The following PRTG variants were observed in gnomAD, a reference collection of about 807,000 sequenced individuals.
PRTG encodes the protein protogenin.
PRTG carries 67 observed loss-of-function variants against 122.5 expected under a neutral mutation model. The observed-to-expected ratio is 0.55, with a 90% confidence interval of 0.45 to 0.67. PRTG has a LOEUF of 0.67. Ranked by LOEUF, PRTG falls within the 30% of genes least tolerant of loss-of-function variation. PRTG has a pLI of 0.00. For missense variants in PRTG, 1,435 were observed against 1,415.4 expected (o/e 1.01, Z -0.22); for synonymous variants, 554 against 501.1 (o/e 1.11, Z -1.41).
At chr15:55,625,939 GA>G (rs1477814311) in intron 17 of PRTG, among the ~76,000 whole-genome samples, 1 of 151,954 alleles carries the variant, frequency 6.6e-6, no homozygotes, top group African/African-American at 2.4e-5. Context: ...TTTTTGTAGA[GA>G]TAAGATCTCA....
At chr15:55,655,646 G>A (rs922787396) in intron 11 of PRTG, 2 of 152,030 alleles carry the variant, frequency 1.3e-5, no homozygotes, top group African/African-American at 4.8e-5. Context: ...ACTTTAGACA[G>A]TATAAACTTT....
Position 55,612,737 on chromosome 15 carries a change from T to TATAC in PRTG, c.*7274_*7275insGTAT, listed in dbSNP as rs2059126286. 9.2e-5 allele frequency: 5 copies of TATAC among 54,314 alleles called. No homozygotes were observed. The highest frequency in any genetic ancestry group is 2.3e-4 in the Admixed American group (1 of 4,262). 3.4% of individuals were successfully genotyped at this position (54,314 alleles called of 1,614,324 possible). ...ATATATATATATATATATATATATATATATATATATATGACTTAAATTGGA... is the reference window on the plus strand; with the variant it reads ...ATATATATATATATATATATATATATATACATATATATATATGACTTAAATTGGA... On this transcript the variant is annotated 3_prime_UTR_variant, in exon 20 of 20. Coordinates refer to ENST00000389286, the MANE Select transcript of PRTG (RefSeq NM_173814.6).
intron 11 of PRTG, among the ~76,000 whole-genome samples, chr15:55,645,617 T>C (rs1229035361): frequency 1.3e-5 from 2 of 151,472 alleles, no homozygotes; most frequent in East Asian, 3.9e-4. Context: ...TACACGTAAA[T>C]ACACAAAGAA....
Position 55,653,249 on chromosome 15 carries a change from C to A in PRTG, c.2042-12041G>T, listed in dbSNP as rs560553413. On this transcript the variant is annotated intron_variant, in intron 11 of 19. Transcript: ENST00000389286. The stretch of plus-strand genomic sequence containing the variant: ...ATTCTATATACAGCTTTCATGGAAG[C>A]TGACCAGTAGAGTACTTGTCTAAAC... Among the ~76,000 whole-genome samples, 6 of 152,188 alleles carry A rather than the reference C, an allele frequency of 3.9e-5. No individual in the cohort carries two copies. In the East Asian group the frequency reaches 1.2e-3, roughly 29 times the overall value.
At chr15:55,670,778 G>A (rs1249171884) in intron 11 of PRTG, among the ~76,000 whole-genome samples, 1 of 152,106 alleles carries the variant, frequency 6.6e-6, no homozygotes, top group East Asian at 1.9e-4. Flanking sequence ...GTGCATGCCT[G>A]TAATCCCAGC....
At chr15:55,659,696 C>T (rs943979662) in intron 11 of PRTG, among the ~76,000 whole-genome samples, 11 of 152,076 alleles carry the variant, frequency 7.2e-5, no homozygotes, top group African/African-American at 1.7e-4. Context: ...GAGGCCGAGG[C>T]GGACGGACTG....
intron 9 of PRTG, among the ~76,000 whole-genome samples, 200 bp downstream of exon 9, chr15:55,675,319 T>C (rs1369598579): frequency 6.6e-6 from 1 of 152,158 alleles, no homozygotes; most frequent in African/African-American, 2.4e-5. Flanking sequence ...AAGAATTTTA[T>C]TATTAAATTT....
At chr15:55,733,703 T>C (rs2031315413) in intron 2 of PRTG, among the ~76,000 whole-genome samples, 3 of 151,990 alleles carry the variant, frequency 2.0e-5, no homozygotes, top group African/African-American at 7.3e-5. Flanking sequence ...GGCACGTGCC[T>C]GTAGCTCCAG....
intron 17 of PRTG, 63 bp from the exon 18 acceptor site, chr15:55,624,570 C>T (rs1434189750): frequency 6.4e-6 from 9 of 1,407,926 alleles, no homozygotes; most frequent in East Asian, 2.4e-5. Context: ...AAATGAACCA[C>T]CTGGCCTATC....
chr15:55,669,326 T>G (rs2059455533), intron 11 of PRTG, among the ~76,000 whole-genome samples: 1 of 152,200 alleles, frequency 6.6e-6, no homozygotes, highest in African/African-American at 2.4e-5. Flanking sequence ...CCAGTTAAAG[T>G]ATCTTTAATG....
At chr15:55,623,439 C>T (rs1186165397) in intron 18 of PRTG, among the ~76,000 whole-genome samples, 2 of 152,024 alleles carry the variant, frequency 1.3e-5, no homozygotes, top group African/African-American at 4.8e-5. Flanking sequence ...TGGTGGCGCA[C>T]GCCTGTAATC....
chr15:55,742,571 G>A (rs1375852010), intron 1 of PRTG: 3 of 443,516 alleles, frequency 6.8e-6, no homozygotes, highest in Admixed American at 4.5e-5. Context: ...CCAGAACTCC[G>A]CAGCCACGGG....
chr15:55,664,097 G>A (rs1312641776), intron 11 of PRTG, among the ~76,000 whole-genome samples: 1 of 152,094 alleles, frequency 6.6e-6, no homozygotes, highest in Non-Finnish European at 1.5e-5. Context: ...CTATACATTT[G>A]TGTACAGTTT....
intron 13 of PRTG, 84 bp downstream of exon 13, chr15:55,639,558 G>T: frequency 8.1e-7 from 1 of 1,227,928 alleles, no homozygotes; most frequent in Non-Finnish European, 1.2e-6. Flanking sequence ...GCCCGAGCTG[G>T]GCCCAAGATG....
At chr15:55,726,830 G>T (rs1222649510) in intron 2 of PRTG, among the ~76,000 whole-genome samples, 3 of 151,308 alleles carry the variant, frequency 2.0e-5, no homozygotes, top group African/African-American at 7.3e-5. Context: ...AAATGAAAAT[G>T]AAAACATACA....
intron 2 of PRTG, among the ~76,000 whole-genome samples, chr15:55,726,663 T>C (rs527585773): frequency 1.9e-4 from 28 of 148,328 alleles, no homozygotes; most frequent in Admixed American, 1.6e-3. Context: ...AAAAATAGAT[T>C]AAAATTATAA....
intron 2 of PRTG, among the ~76,000 whole-genome samples, chr15:55,734,610 A>G (rs1162925019): frequency 1.3e-5 from 2 of 151,466 alleles, no homozygotes; most frequent in African/African-American, 4.9e-5. Flanking sequence ...TAACATATAT[A>G]TGTATTATAA....
intron 2 of PRTG, among the ~76,000 whole-genome samples, chr15:55,724,099 G>A (rs1255390789): frequency 1.3e-5 from 2 of 152,152 alleles, no homozygotes; most frequent in African/African-American, 2.4e-5. Context: ...GGCCCAACAT[G>A]TGTTCTATTC....
At chr15:55,643,771 G>T (rs940251600) in intron 11 of PRTG, among the ~76,000 whole-genome samples, 2 of 152,076 alleles carry the variant, frequency 1.3e-5, no homozygotes, top group African/African-American at 4.8e-5. Context: ...GCTGAACCAA[G>T]AACTTGTTAT....
Sources: gnomAD v4.1 joint callset for allele counts (sites outside exome capture counted in the v4.1 genomes callset) on GRCh38, gnomAD v4.1.1 for gene constraint, MANE v1.5 for transcripts, NCBI Gene and HGNC (gene_info 2026-07-23, HGNC 2026-07-21) for gene names.